Variants in GRXCR1 observed in about 807,000 individuals in gnomAD.
The protein encoded by GRXCR1 is glutaredoxin and cysteine rich domain containing 1.
GRXCR1 carries 27 observed loss-of-function variants against 27.3 expected under a neutral mutation model. The ratio of observed to expected loss-of-function variants is 0.99; its 90% confidence interval spans 0.73 to 1.37. GRXCR1 has a LOEUF of 1.37. GRXCR1 is among the 40% of genes most tolerant of loss of function. The probability of loss-of-function intolerance (pLI) is 0.00; values close to 1 mark genes in which losing one functional copy is unlikely to be tolerated. For missense variants in GRXCR1, 379 were observed against 354.4 expected (o/e 1.07, Z -0.56); for synonymous variants, 122 against 131.1 (o/e 0.93, Z 0.47).
intron 2 of GRXCR1, among the ~76,000 whole-genome samples, chr4:42,990,189 T>C (rs1711921584): frequency 1.2e-5 from 1 of 84,238 alleles, no homozygotes; most frequent in Admixed American, 1.5e-4. Flanking sequence ...TTTTTTTTTT[T>C]TTTTTTTTTT....
At chr4:42,974,885 T>C (rs1412054645) in intron 2 of GRXCR1, among the ~76,000 whole-genome samples, 1 of 152,090 alleles carries the variant, frequency 6.6e-6, no homozygotes, top group Non-Finnish European at 1.5e-5. Context: ...GAATTGTGAG[T>C]TAAATTTCAA....
intron 3 of GRXCR1, among the ~76,000 whole-genome samples, chr4:43,026,026 T>A (rs1713249328): frequency 1.4e-5 from 2 of 147,760 alleles, no homozygotes; most frequent in Admixed American, 6.8e-5. Context: ...TAGTTACTAA[T>A]AGTAATGAAG....
At chr4:42,896,805 T>C (rs936172459) in intron 1 of GRXCR1, among the ~76,000 whole-genome samples, 2 of 152,144 alleles carry the variant, frequency 1.3e-5, no homozygotes, top group Non-Finnish European at 2.9e-5. Context: ...ATGAATGAGA[T>C]ATGCAATGAC....
chr4:42,929,306 CAGG>C (rs1313561109), intron 1 of GRXCR1, among the ~76,000 whole-genome samples: 1 of 152,010 alleles, frequency 6.6e-6, no homozygotes, highest in East Asian at 1.9e-4. Context: ...TGTCCCCACA[CAGG>C]AGGTTTGCAC....
intron 1 of GRXCR1, among the ~76,000 whole-genome samples, chr4:42,947,387 G>A (rs1431425935): frequency 6.6e-6 from 1 of 152,084 alleles, no homozygotes; most frequent in East Asian, 1.9e-4. Flanking sequence ...AAGCAAGTTA[G>A]AAATCTCCCT....
At chr4:42,904,348 A>G (rs901402380) in intron 1 of GRXCR1, among the ~76,000 whole-genome samples, 1 of 152,194 alleles carries the variant, frequency 6.6e-6, no homozygotes, top group African/African-American at 2.4e-5. Context: ...AATTATTCTT[A>G]GGAGCAAGAG....
intron 1 of GRXCR1, among the ~76,000 whole-genome samples, chr4:42,928,444 C>T (rs1378243893): frequency 6.6e-6 from 1 of 151,952 alleles, no homozygotes; most frequent in Non-Finnish European, 1.5e-5. Flanking sequence ...TCTGCCTCCC[C>T]AGAGTAAGGT....
At chr4:42,934,508 G>T (rs1169100540) in intron 1 of GRXCR1, among the ~76,000 whole-genome samples, 1 of 151,642 alleles carries the variant, frequency 6.6e-6, no homozygotes, top group African/African-American at 2.4e-5. Context: ...TTATATGAAA[G>T]AACTTCCTAT....
At chr4:42,924,362 T>C (rs1015582621) in intron 1 of GRXCR1, among the ~76,000 whole-genome samples, 5 of 152,218 alleles carry the variant, frequency 3.3e-5, no homozygotes, top group Non-Finnish European at 7.4e-5. Context: ...TGATGATTGA[T>C]GATTTTACCT....
intron 1 of GRXCR1, among the ~76,000 whole-genome samples, chr4:42,903,392 A>G (rs1417827144): frequency 7.4e-6 from 1 of 135,954 alleles, no homozygotes; most frequent in African/African-American, 2.7e-5. Context: ...GCTCACTGCA[A>G]GCTCTGCCTC....
intron 1 of GRXCR1, among the ~76,000 whole-genome samples, chr4:42,956,093 T>G (rs1020867377): frequency 8.5e-5 from 13 of 152,078 alleles, no homozygotes; most frequent in African/African-American, 2.9e-4. Context: ...GGTTAGCTAT[T>G]TGGTAACTCC....
chr4:42,923,849 G>A (rs758595872), intron 1 of GRXCR1, among the ~76,000 whole-genome samples: 16 of 152,054 alleles, frequency 1.1e-4, no homozygotes, highest in Non-Finnish European at 1.8e-4. Context: ...TTCCGGGGTG[G>A]TACTTTCACC....
intron 2 of GRXCR1, among the ~76,000 whole-genome samples, chr4:43,016,673 T>A (rs191018537): frequency 1.3e-5 from 2 of 151,920 alleles, no homozygotes; most frequent in Non-Finnish European, 2.9e-5. Context: ...GTGGCTTTTT[T>A]GCTTATTGTA....
At chr4:42,972,387 C>T (rs1173658058) in intron 2 of GRXCR1, among the ~76,000 whole-genome samples, 2 of 152,102 alleles carry the variant, frequency 1.3e-5, no homozygotes, top group African/African-American at 2.4e-5. Context: ...GTTAAATCTT[C>T]AAGCTTTGTT....
At chr4:43,010,624 A>G (rs1712718191) in intron 2 of GRXCR1, among the ~76,000 whole-genome samples, 1 of 152,104 alleles carries the variant, frequency 6.6e-6, no homozygotes, top group Non-Finnish European at 1.5e-5. Context: ...GGTAATTACT[A>G]TTCTCTCTTA....
intron 2 of GRXCR1, among the ~76,000 whole-genome samples, chr4:42,972,166 T>G (rs1162093106): frequency 1.3e-5 from 2 of 152,230 alleles, no homozygotes; most frequent in African/African-American, 4.8e-5. Context: ...TGTACTATCA[T>G]AGCTAATTTT....
chr4:42,903,946 G>C (rs922982313), intron 1 of GRXCR1, among the ~76,000 whole-genome samples: 1 of 152,072 alleles, frequency 6.6e-6, no homozygotes, highest in Non-Finnish European at 1.5e-5. Context: ...CCTCCTTTCT[G>C]CTGGAGGTTT....
chr4:42,980,712 C>T (rs1448588528), intron 2 of GRXCR1, among the ~76,000 whole-genome samples: 1 of 152,000 alleles, frequency 6.6e-6, no homozygotes, highest in African/African-American at 2.4e-5. Flanking sequence ...GATAATCTGT[C>T]TATTGTTGAA....
chr4:42,913,108 C>T (rs1286117604), intron 1 of GRXCR1, among the ~76,000 whole-genome samples: 1 of 152,164 alleles, frequency 6.6e-6, no homozygotes, highest in Non-Finnish European at 1.5e-5. Flanking sequence ...TTATAAATTA[C>T]CCAGTCTCAG....
Sources: gnomAD v4.1 joint callset for allele counts (sites outside exome capture counted in the v4.1 genomes callset) on GRCh38, gnomAD v4.1.1 for gene constraint, MANE v1.5 for transcripts, NCBI Gene and HGNC (gene_info 2026-07-23, HGNC 2026-07-21) for gene names.